The following TMEM38B variants were observed in gnomAD, a reference collection of about 807,000 sequenced individuals.
The protein encoded by TMEM38B is transmembrane protein 38B.
A neutral mutation model predicts 28.7 loss-of-function variants in TMEM38B; 24 were observed. The ratio of observed to expected loss-of-function variants is 0.84; its 90% confidence interval spans 0.61 to 1.18. The LOEUF (loss-of-function observed/expected upper bound fraction) is 1.18, where lower values mean the gene tolerates loss of function less well. Among genes scored for constraint, TMEM38B ranks in the 50% most tolerant of loss-of-function variants. TMEM38B has a pLI of 0.00. For synonymous variants in TMEM38B, 131 were observed against 127.7 expected, an observed-to-expected ratio of 1.03 and a Z score of -0.17; for missense variants, 380 against 350.9, an observed-to-expected ratio of 1.08 and a Z score of -0.66.
chr9:105,699,910 G>C (rs982382531), intron 1 of TMEM38B, among the ~76,000 whole-genome samples: 1 of 151,846 alleles, frequency 6.6e-6, no homozygotes, highest in African/African-American at 2.4e-5. Flanking sequence ...CTGTTTTGGT[G>C]GTTGCTAGTG....
At chr9:105,699,558 G>A (rs1835395571) in intron 1 of TMEM38B, among the ~76,000 whole-genome samples, 1 of 152,100 alleles carries the variant, frequency 6.6e-6, no homozygotes, top group Admixed American at 6.5e-5. Context: ...ATGATAAAGG[G>A]GATTAACTCT....
chr9:105,768,419 C>G (rs1359896222), intron 5 of TMEM38B, among the ~76,000 whole-genome samples: 1 of 151,902 alleles, frequency 6.6e-6, no homozygotes, highest in African/African-American at 2.4e-5. Flanking sequence ...TTTGTATTAA[C>G]ATAAAATTGG....
intron 5 of TMEM38B, among the ~76,000 whole-genome samples, chr9:105,762,330 A>G (rs1306581523): frequency 6.6e-6 from 1 of 151,424 alleles, no homozygotes; most frequent in African/African-American, 2.4e-5. Flanking sequence ...ATATGTATAC[A>G]TGTGCCATGC....
intron 1 of TMEM38B, among the ~76,000 whole-genome samples, chr9:105,704,928 T>TAA (rs771753189): frequency 3.7e-4 from 53 of 141,510 alleles, no homozygotes; most frequent in African/African-American, 1.1e-3. Flanking sequence ...TATCTCAAAG[T>TAA]AAAAAAAAAA....
At chr9:105,759,432 A>G (rs1356599080) in intron 5 of TMEM38B, 15 of 1,558,950 alleles carry the variant, frequency 9.6e-6, no homozygotes, top group Non-Finnish European at 1.3e-5. Context: ...CAGGATTTCA[A>G]GAAAGATGTG....
intron 1 of TMEM38B, among the ~76,000 whole-genome samples, chr9:105,696,311 G>A (rs966967274): frequency 6.6e-6 from 1 of 151,858 alleles, no homozygotes; most frequent in Non-Finnish European, 1.5e-5. Flanking sequence ...TTTTTGAGAC[G>A]GAGTCTCTCT....
chr9:105,766,151 C>G (rs1450607824), intron 5 of TMEM38B, among the ~76,000 whole-genome samples: 3 of 152,132 alleles, frequency 2.0e-5, no homozygotes, highest in Non-Finnish European at 4.4e-5. Flanking sequence ...GCTAGGTCAT[C>G]TGAAAAGCAT....
At chr9:105,713,021 C>G (rs1447743827) in intron 2 of TMEM38B, among the ~76,000 whole-genome samples, 2 of 152,238 alleles carry the variant, frequency 1.3e-5, no homozygotes, top group Non-Finnish European at 2.9e-5. Flanking sequence ...GGGACTTGGC[C>G]CAGTGCCATG....
intron 5 of TMEM38B, chr9:105,760,556 A>G: frequency 4.0e-6 from 3 of 743,334 alleles, no homozygotes; most frequent in Non-Finnish European, 7.3e-6. Flanking sequence ...GAACTTATAG[A>G]AAATGTTATT....
At chr9:105,695,744 T>A (rs1835265034) in intron 1 of TMEM38B, among the ~76,000 whole-genome samples, 1 of 152,214 alleles carries the variant, frequency 6.6e-6, no homozygotes, top group Admixed American at 6.5e-5. Context: ...GTATCTTTCT[T>A]ATGGACTACT....
chr9:105,706,129 C>T (rs921813280), intron 2 of TMEM38B, among the ~76,000 whole-genome samples: 7 of 152,102 alleles, frequency 4.6e-5, no homozygotes, highest in African/African-American at 9.7e-5. Flanking sequence ...GAACTCCTGA[C>T]GTGAGGTGAT....
chr9:105,733,579 G>A (rs1235148993), intron 4 of TMEM38B, among the ~76,000 whole-genome samples: 2 of 152,002 alleles, frequency 1.3e-5, no homozygotes, highest in East Asian at 3.9e-4. Context: ...GAATTCAGCT[G>A]TGAAGCCATC....
At chr9:105,745,384 T>A (rs563724413) in intron 4 of TMEM38B, among the ~76,000 whole-genome samples, 5 of 152,370 alleles carry the variant, frequency 3.3e-5, no homozygotes, top group African/African-American at 1.2e-4. Flanking sequence ...ATAAATGTCT[T>A]CTTTTGAGAA....
chr9:105,765,910 T>G (rs372033667), intron 5 of TMEM38B, among the ~76,000 whole-genome samples: 3 of 152,160 alleles, frequency 2.0e-5, no homozygotes, highest in African/African-American at 7.2e-5. Flanking sequence ...CAAGTGATTC[T>G]CCTGCCTCAG....
At chr9:105,748,236 A>C (rs754848615) in intron 5 of TMEM38B, 46 bp downstream of exon 5, 1 of 1,379,752 alleles carries the variant, frequency 7.2e-7, no homozygotes. Context: ...CTGTATAACT[A>C]TTCCCCTTTG....
At chr9:105,704,207 A>G (rs1835563627) in intron 1 of TMEM38B, among the ~76,000 whole-genome samples, 1 of 151,250 alleles carries the variant, frequency 6.6e-6, no homozygotes, top group Admixed American at 6.6e-5. Context: ...CAATGTGCAC[A>G]TGTACCCTAA....
rs947071713 is a variant in TMEM38B, at chr9:105,728,227, C to T, written c.542+5606C>T. On this transcript the variant is annotated intron_variant, in intron 4 of 5. Coordinates refer to ENST00000374692, the MANE Select transcript of TMEM38B (RefSeq NM_018112.3). ...CATTTACATTAGGTATTTCTCCTAA[C>T]ACTATCTCTCTCCCAGCCCCCCAGC... is the stretch of plus-strand genomic sequence containing the variant. 3.0e-4 allele frequency among the ~76,000 whole-genome samples: 46 copies of T among 152,016 alleles called. 1 individual carries two copies. The highest frequency in any genetic ancestry group is 2.7e-3 in the Admixed American group (41 of 15,232).
rs77624330 is a variant in TMEM38B, at chr9:105,743,998, T to C, written c.543-4075T>C. Among the ~76,000 whole-genome samples, 1,224 of 152,270 alleles carry C rather than the reference T, an allele frequency of 8.0e-3. 29 individuals carry two copies. Among genetic ancestry groups the C allele is most frequent in the African/African-American group, 0.028 (1,148 of 41,568 alleles). On this transcript the variant is annotated intron_variant, in intron 4 of 5. Transcript: ENST00000374692. ...TTATTCTAAAATCTATAGTTTATGATGTGAAGAAAGGTATTTAACTTTGTA... is the reference window on the plus strand; with the variant it reads ...TTATTCTAAAATCTATAGTTTATGACGTGAAGAAAGGTATTTAACTTTGTA...
intron 4 of TMEM38B, among the ~76,000 whole-genome samples, chr9:105,744,119 TAA>T (rs1407650615): frequency 6.6e-6 from 1 of 152,032 alleles, no homozygotes; most frequent in Non-Finnish European, 1.5e-5. Context: ...TGGGTTGGGA[TAA>T]AATATTTATA....
Sources: allele counts gnomAD v4.1 joint callset (sites outside exome capture counted in the v4.1 genomes callset), GRCh38; gene constraint gnomAD v4.1.1; transcripts MANE v1.5; gene names NCBI Gene and HGNC (gene_info 2026-07-23, HGNC 2026-07-21).